The following UNC13C variants were observed in gnomAD, a reference collection of about 807,000 sequenced individuals.
UNC13C encodes the protein unc-13 homolog C.
In UNC13C, 174 loss-of-function variants were observed where a neutral mutation model predicts 245.4. The ratio of observed to expected loss-of-function variants is 0.71; its 90% CI spans 0.63 to 0.80. UNC13C has a LOEUF of 0.80. Among genes scored for constraint, UNC13C ranks in the 30% least tolerant of loss-of-function variants. The probability of loss-of-function intolerance (pLI) is 0.00; values close to 1 mark genes in which losing one functional copy is unlikely to be tolerated. For missense variants in UNC13C, 2,829 were observed against 2,602.9 expected, an observed-to-expected ratio of 1.09 and a Z score of -1.89; for synonymous variants, 992 against 895.1, an observed-to-expected ratio of 1.11 and a Z score of -1.93.
chr15:54,291,423 T>C (rs999126547), intron 10 of UNC13C, among the ~76,000 whole-genome samples: 1 of 152,084 alleles, frequency 6.6e-6, no homozygotes, highest in African/African-American at 2.4e-5. Context: ...TTATTTTTTC[T>C]TCAAATGTAA....
At chr15:54,629,121 C>G (rs1162896607), downstream of UNC13C, 10 of 152,066 alleles carry the variant, frequency 6.6e-5, no homozygotes, top group Admixed American at 5.9e-4. Context: ...AAGAATGAGA[C>G]CATGTCCTTC....
At chr15:54,557,554 A>C (rs1368572015) in intron 29 of UNC13C, among the ~76,000 whole-genome samples, 1 of 151,714 alleles carries the variant, frequency 6.6e-6, no homozygotes, top group Non-Finnish European at 1.5e-5. Flanking sequence ...TAACTCCAAG[A>C]ACTAAAGATT....
intron 2 of UNC13C, among the ~76,000 whole-genome samples, chr15:54,035,407 A>C (rs138162328): frequency 3.3e-5 from 5 of 152,144 alleles, no homozygotes; most frequent in Non-Finnish European, 7.3e-5. Context: ...TTGTATAGCA[A>C]AAATCAAAAT....
At chr15:53,999,305 A>C (rs1329686423) in intron 1 of UNC13C, among the ~76,000 whole-genome samples, 1 of 151,786 alleles carries the variant, frequency 6.6e-6, no homozygotes, top group Admixed American at 6.6e-5. Context: ...ATACATATAA[A>C]ATATACATAA....
intron 17 of UNC13C, among the ~76,000 whole-genome samples, chr15:54,367,717 C>G (rs1433156063): frequency 6.6e-6 from 1 of 152,142 alleles, no homozygotes; most frequent in Non-Finnish European, 1.5e-5. Context: ...AGCATCTAGT[C>G]TCAGTTAAAT....
intron 1 of UNC13C, among the ~76,000 whole-genome samples, chr15:53,995,495 A>G (rs1392925294): frequency 2.2e-5 from 2 of 92,330 alleles, no homozygotes; most frequent in South Asian, 3.5e-4. Context: ...AGTTTTTTCA[A>G]TGTTCAACTT....
At chr15:54,621,909 G>A (rs1486008641) in intron 30 of UNC13C, among the ~76,000 whole-genome samples, 1 of 152,134 alleles carries the variant, frequency 6.6e-6, no homozygotes, top group African/African-American at 2.4e-5. Flanking sequence ...GTTTCATGAA[G>A]GCAGGGACCC....
At chr15:54,432,590 A>C (rs1314655709) in intron 19 of UNC13C, among the ~76,000 whole-genome samples, 1 of 152,048 alleles carries the variant, frequency 6.6e-6, no homozygotes, top group Non-Finnish European at 1.5e-5. Flanking sequence ...TCTGGGACAC[A>C]GCTAAAACAG....
chr15:53,883,776 C>A, the UNC13C span, among the ~76,000 whole-genome samples: 97 of 152,280 alleles, frequency 6.4e-4, no homozygotes, highest in African/African-American at 2.3e-3. Context: ...CTTGATTTTA[C>A]TTTCAAGAAG....
intron 18 of UNC13C, among the ~76,000 whole-genome samples, chr15:54,411,829 G>T (rs1286766704): frequency 2.0e-5 from 3 of 152,080 alleles, no homozygotes; most frequent in Non-Finnish European, 4.4e-5. Context: ...ATTTCCACAA[G>T]AAATTCTGCT....
intron 10 of UNC13C, among the ~76,000 whole-genome samples, chr15:54,281,285 G>A (rs1004140178): frequency 6.6e-6 from 1 of 151,920 alleles, no homozygotes; most frequent in South Asian, 2.1e-4. Flanking sequence ...TTATACAGAG[G>A]TTTCCTTTTC....
intron 30 of UNC13C, among the ~76,000 whole-genome samples, chr15:54,602,405 C>T (rs577544421): frequency 6.6e-6 from 1 of 152,244 alleles, no homozygotes; most frequent in South Asian, 2.1e-4. Flanking sequence ...GCCCTCCTTA[C>T]TTTCATGGAA....
chr15:53,893,584 G>A, the UNC13C span, among the ~76,000 whole-genome samples: 152 of 152,330 alleles, frequency 1.0e-3, no homozygotes, highest in African/African-American at 3.5e-3. Context: ...TCTGGCCACA[G>A]CAGCCTTGCT....
rs2034931942 is a variant in UNC13C at position 54,212,998 on chromosome 15, A to G, written c.3072-22032A>G. Among the ~76,000 whole-genome samples the G allele has an allele frequency of 2.0e-5, 3 of 152,024 alleles. No individual in the cohort carries two copies. In the South Asian group the frequency reaches 6.2e-4, roughly 31 times the overall value. ...TTTGGATTAGAGACATAATGAATCTATTTGTTTTTCAATTTTTAGAGAATC... is the reference window on the plus strand; with the variant it reads ...TTTGGATTAGAGACATAATGAATCTGTTTGTTTTTCAATTTTTAGAGAATC... On this transcript the variant is annotated intron_variant, in intron 4 of 32. Coordinates refer to ENST00000260323, the MANE Select transcript of UNC13C (RefSeq NM_001080534.3).
chr15:54,167,774 C>T (rs1255176662), intron 4 of UNC13C, among the ~76,000 whole-genome samples: 2 of 151,972 alleles, frequency 1.3e-5, no homozygotes, highest in Non-Finnish European at 2.9e-5. Context: ...AATCCTACAA[C>T]TCCATTAAAA....
At chr15:53,990,892 CT>C (rs1271957867) in intron 1 of UNC13C, among the ~76,000 whole-genome samples, 2 of 152,026 alleles carry the variant, frequency 1.3e-5, no homozygotes, top group African/African-American at 2.4e-5. Context: ...ATTTATCCAC[CT>C]TGTCTCCTGA....
At chr15:54,511,707 T>C (rs1894749555) in intron 23 of UNC13C, 46 bp from the exon 24 acceptor site, 2 of 1,352,936 alleles carry the variant, frequency 1.5e-6, no homozygotes, top group South Asian at 1.3e-5. Flanking sequence ...TCAATAATTT[T>C]ATATAAAAAG....
At chr15:54,336,478 G>T (rs1301796986) in intron 16 of UNC13C, among the ~76,000 whole-genome samples, 1 of 146,536 alleles carries the variant, frequency 6.8e-6, no homozygotes, top group African/African-American at 2.5e-5. Flanking sequence ...TTTAATTTTG[G>T]TCTACTTTAT....
At chr15:54,398,987 G>T (rs1386705922) in intron 18 of UNC13C, among the ~76,000 whole-genome samples, 1 of 151,488 alleles carries the variant, frequency 6.6e-6, no homozygotes, top group Non-Finnish European at 1.5e-5. Flanking sequence ...TTCTGTTAGT[G>T]AAGATAAATC....
Sources: gnomAD v4.1 joint callset for allele counts (sites outside exome capture counted in the v4.1 genomes callset) on GRCh38, gnomAD v4.1.1 for gene constraint, MANE v1.5 for transcripts, NCBI Gene and HGNC (gene_info 2026-07-23, HGNC 2026-07-21) for gene names.